The following IMMP2L variants were observed in gnomAD, a reference collection of about 807,000 sequenced individuals.
The protein encoded by IMMP2L is inner mitochondrial membrane peptidase subunit 2.
A neutral mutation model predicts 19.3 loss-of-function variants in IMMP2L; 18 were observed. The ratio of observed to expected loss-of-function variants is 0.93; its 90% confidence interval spans 0.64 to 1.38. The LOEUF (loss-of-function observed/expected upper bound fraction) is 1.38. IMMP2L is among the 40% of genes most tolerant of loss of function. The probability of loss-of-function intolerance (pLI) is 0.00; values close to 1 mark genes in which losing one functional copy is unlikely to be tolerated. For synonymous variants in IMMP2L, 76 were observed against 73.0 expected (o/e 1.04, Z -0.21); for missense variants, 233 against 218.2 (o/e 1.07, Z -0.43).
intron 1 of IMMP2L, among the ~76,000 whole-genome samples, chr7:111,531,902 T>C (rs1419966215): frequency 6.6e-6 from 1 of 152,064 alleles, no homozygotes; most frequent in Non-Finnish European, 1.5e-5. Flanking sequence ...CAGGAATACT[T>C]ACTGAATAGC....
intron 1 of IMMP2L, among the ~76,000 whole-genome samples, chr7:111,530,769 T>C (rs768163946): frequency 3.9e-5 from 6 of 152,102 alleles, no homozygotes; most frequent in Non-Finnish European, 5.9e-5. Context: ...AGAATGTTTC[T>C]GTATGTTTAA....
chr7:110,826,443 T>C (rs1403502967), intron 5 of IMMP2L, among the ~76,000 whole-genome samples: 1 of 152,128 alleles, frequency 6.6e-6, no homozygotes, highest in Non-Finnish European at 1.5e-5. Context: ...AACCCAAATG[T>C]CCATCAATGA....
At position 111,148,232 on chromosome 7, in the gene IMMP2L, T is replaced by C. The variant is rs572335017; in HGVS notation, c.240-184667A>G. On this transcript the variant is annotated intron_variant, in intron 3 of 5. Transcript: ENST00000405709. Reference sequence around the variant, plus strand: ...ATATTGTGGAATCTTGAAAACATTATGCTAACTGAAAGAATCCACTCACAA... The same window carrying C: ...ATATTGTGGAATCTTGAAAACATTACGCTAACTGAAAGAATCCACTCACAA... Among the ~76,000 whole-genome samples the C allele has an allele frequency of 9.0e-4, 137 of 152,250 alleles. 1 individual carries two copies. In the South Asian group the frequency reaches 0.025, roughly 28 times the overall value.
intron 5 of IMMP2L, among the ~76,000 whole-genome samples, chr7:110,716,643 T>A (rs1282818212): frequency 1.3e-5 from 2 of 152,232 alleles, no homozygotes; most frequent in Non-Finnish European, 2.9e-5. Flanking sequence ...CTCTCTTGTC[T>A]TGTAAGATTT....
At chr7:110,755,862 G>A (rs1239646223) in intron 5 of IMMP2L, among the ~76,000 whole-genome samples, 1 of 152,060 alleles carries the variant, frequency 6.6e-6, no homozygotes, top group Non-Finnish European at 1.5e-5. Flanking sequence ...CACTAGTACT[G>A]TAGTTTGGTA....
intron 3 of IMMP2L, among the ~76,000 whole-genome samples, chr7:111,260,430 C>T (rs892781055): frequency 6.6e-6 from 1 of 152,108 alleles, no homozygotes; most frequent in Non-Finnish European, 1.5e-5. Context: ...TTGAATTCTA[C>T]AAAAGTGGGA....
intron 3 of IMMP2L, among the ~76,000 whole-genome samples, chr7:111,343,313 C>T (rs139468130): frequency 3.0e-4 from 46 of 152,184 alleles, no homozygotes; most frequent in African/African-American, 9.6e-4. Flanking sequence ...ACTTCTGTGA[C>T]TTTTCCTTTC....
chr7:110,949,537 T>C (rs1011523665), intron 4 of IMMP2L, among the ~76,000 whole-genome samples: 1 of 152,224 alleles, frequency 6.6e-6, no homozygotes, highest in Non-Finnish European at 1.5e-5. Context: ...CTACAGCCTA[T>C]GGACCAAATC....
chr7:110,984,057 T>G (rs542042711), intron 3 of IMMP2L, among the ~76,000 whole-genome samples: 1 of 152,086 alleles, frequency 6.6e-6, no homozygotes, highest in Non-Finnish European at 1.5e-5. Flanking sequence ...GATTTGGATA[T>G]GATTCAATCT....
intron 3 of IMMP2L, among the ~76,000 whole-genome samples, chr7:110,996,221 CTG>C (rs1191041126): frequency 6.6e-6 from 1 of 152,090 alleles, no homozygotes; most frequent in Non-Finnish European, 1.5e-5. Flanking sequence ...GAAGTCCTCT[CTG>C]AAGAAATGAT....
intron 3 of IMMP2L, among the ~76,000 whole-genome samples, chr7:111,432,265 T>G (rs534455608): frequency 9.9e-5 from 15 of 151,866 alleles, no homozygotes; most frequent in African/African-American, 3.6e-4. Flanking sequence ...AGCAGTCTTC[T>G]GTGTTGATGA....
Position 110,996,000 on chromosome 7 carries a change from G to C in IMMP2L, c.240-32435C>G, listed in dbSNP as rs75884855. On this transcript the variant is annotated intron_variant, in intron 3 of 5. Transcript: ENST00000405709. ...AATACCAATAAATGCATGAGACTTAGTGCCAAACAGACCTGGGTTAAATCC... is the reference window on the plus strand; with the variant it reads ...AATACCAATAAATGCATGAGACTTACTGCCAAACAGACCTGGGTTAAATCC... Among the ~76,000 whole-genome samples the C allele has an allele frequency of 4.3e-3, 648 of 152,214 alleles. 4 individuals carry two copies. Among genetic ancestry groups the C allele is most frequent in the African/African-American group, 0.015 (624 of 41,536 alleles).
intron 3 of IMMP2L, among the ~76,000 whole-genome samples, chr7:111,257,312 A>G (rs776655915): frequency 3.3e-5 from 5 of 152,130 alleles, no homozygotes; most frequent in Non-Finnish European, 5.9e-5. Flanking sequence ...ATTAGTCCAA[A>G]AGCCTATCAT....
chr7:111,123,040 T>C lies in IMMP2L; in HGVS notation c.240-159475A>G, dbSNP rs1800842661. The C allele has an allele frequency of 6.2e-7, 1 of 1,613,934 alleles. No homozygotes were observed. Among genetic ancestry groups the C allele is most frequent in the African/African-American group, 1.3e-5 (1 of 75,042 alleles). On this transcript the variant is annotated intron_variant, in intron 3 of 5. Coordinates refer to ENST00000405709, the MANE Select transcript of IMMP2L (RefSeq NM_032549.4). The surrounding 1 kb of genome is among the most constrained non-coding windows in gnomAD (Gnocchi z 6.4). ...TGCAAAAATTGAATACTCCACAGACTTTCCAGTAAACCTTACTGGCCTGGA... is the reference window on the plus strand; with the variant it reads ...TGCAAAAATTGAATACTCCACAGACCTTCCAGTAAACCTTACTGGCCTGGA...
chr7:111,318,561 T>G (rs1027586736), intron 3 of IMMP2L, among the ~76,000 whole-genome samples: 1 of 152,096 alleles, frequency 6.6e-6, no homozygotes, highest in Non-Finnish European at 1.5e-5. Flanking sequence ...TAGACAAAAG[T>G]AATTAATTCC....
intron 5 of IMMP2L, among the ~76,000 whole-genome samples, chr7:110,841,764 A>T (rs1311306511): frequency 2.0e-5 from 3 of 152,166 alleles, no homozygotes; most frequent in Non-Finnish European, 2.9e-5. Flanking sequence ...GACTTGGCAA[A>T]CAAAAAGTGC....
intron 5 of IMMP2L, among the ~76,000 whole-genome samples, chr7:110,777,556 G>A (rs1421204373): frequency 6.6e-6 from 1 of 151,912 alleles, no homozygotes; most frequent in African/African-American, 2.4e-5. Context: ...AGATAATATT[G>A]AGGAATACTG....
rs538369630 is a variant in IMMP2L at position 110,945,037 on chromosome 7, A to T, written c.305+18463T>A. ...GAGTAGGAATTCGCCAGGCAAAAAC[A>T]AAACAAAGGGAACAAGACAAAAGGA... On this transcript the variant is annotated intron_variant, in intron 4 of 5. Coordinates refer to ENST00000405709, the MANE Select transcript of IMMP2L (RefSeq NM_032549.4). 4.6e-5 allele frequency among the ~76,000 whole-genome samples: 7 copies of T among 152,034 alleles called. No homozygotes were observed. In the East Asian group the frequency reaches 9.7e-4, roughly 21 times the overall value.
intron 5 of IMMP2L, among the ~76,000 whole-genome samples, chr7:110,797,320 G>A (rs1160127053): frequency 1.3e-5 from 2 of 151,948 alleles, no homozygotes; most frequent in East Asian, 3.9e-4. Context: ...TTACACAGTA[G>A]AACATATGTG....
Sources: gnomAD v4.1 joint callset for allele counts (sites outside exome capture counted in the v4.1 genomes callset) on GRCh38, gnomAD v4.1.1 for gene constraint, Gnocchi (gnomAD v3.1) non-coding constraint, MANE v1.5 for transcripts, NCBI Gene and HGNC (gene_info 2026-07-23, HGNC 2026-07-21) for gene names.